FAR2: variants seen among roughly 807,000 people sequenced by gnomAD.
The protein encoded by FAR2 is epididymis secretory protein Li 81.
A neutral mutation model predicts 56.0 loss-of-function variants in FAR2; 19 were observed. The ratio of observed to expected loss-of-function variants is 0.34; its 90% CI spans 0.24 to 0.50. FAR2 has a LOEUF of 0.50. Ranked by LOEUF, FAR2 falls within the 20% of genes least tolerant of loss-of-function variation. The pLI, the probability that FAR2 is intolerant of heterozygous loss-of-function variation, is 0.98. For missense variants in FAR2, 508 were observed against 642.2 expected (o/e 0.79, Z 2.26); for synonymous variants, 219 against 218.8 (o/e 1.00, Z -0.01).
intron 1 of FAR2, among the ~76,000 whole-genome samples, chr12:29,243,346 G>T (rs575097452): frequency 3.1e-4 from 47 of 152,280 alleles, no homozygotes; most frequent in African/African-American, 1.0e-3. Context: ...CTTATAGCAG[G>T]CTGGCTTCCT....
In FAR2 at chr12:29,186,013, G is replaced by A. The variant is rs994452026; in HGVS notation, c.-39+36606G>A. On this transcript the variant is annotated intron_variant, in intron 1 of 11. Transcript: ENST00000536681. ...GCTATTAAACAGCAACATCATGTGA[G>A]GCGTAAATGCAAGCCACCTGTAATA... Among the ~76,000 whole-genome samples, 5 of 152,124 alleles carry A rather than the reference G, an allele frequency of 3.3e-5. No homozygotes were observed. In the South Asian group the frequency reaches 1.0e-3, roughly 32 times the overall value.
intron 1 of FAR2, among the ~76,000 whole-genome samples, chr12:29,164,416 C>T (rs1253272526): frequency 6.6e-6 from 1 of 152,178 alleles, no homozygotes; most frequent in Admixed American, 6.5e-5. Context: ...CTCGGATGAG[C>T]TAGCTTCCTC....
At chr12:29,226,905 C>CA (rs1947777582) in intron 1 of FAR2, among the ~76,000 whole-genome samples, 4 of 152,026 alleles carry the variant, frequency 2.6e-5, no homozygotes, top group Non-Finnish European at 5.9e-5. Context: ...AAACCTAGAG[C>CA]CATTTGTAAG....
intron 2 of FAR2, chr12:29,277,280 AAT>A (rs1279993458): frequency 6.6e-6 from 1 of 152,228 alleles, no homozygotes; most frequent in African/African-American, 2.4e-5. Flanking sequence ...CTGGCCATAA[AAT>A]AGTTTTAATG....
At chr12:29,265,433 A>T (rs1948497982) in intron 1 of FAR2, among the ~76,000 whole-genome samples, 1 of 152,188 alleles carries the variant, frequency 6.6e-6, no homozygotes, top group South Asian at 2.1e-4. Flanking sequence ...GGGAAAGGAC[A>T]ATCTCTTCTA....
At chr12:29,288,431 G>A (rs1221229239) in intron 2 of FAR2, among the ~76,000 whole-genome samples, 1 of 151,924 alleles carries the variant, frequency 6.6e-6, no homozygotes, top group Admixed American at 6.6e-5. Flanking sequence ...TTTATTGGTG[G>A]GCTTTCAATG....
At chr12:29,236,969 A>T (rs1043617453) in intron 1 of FAR2, among the ~76,000 whole-genome samples, 1 of 152,184 alleles carries the variant, frequency 6.6e-6, no homozygotes, top group Non-Finnish European at 1.5e-5. Context: ...CTTGATCATC[A>T]CTAGCCCAAC....
At chr12:29,323,958 G>A (rs1040280660) in intron 10 of FAR2, among the ~76,000 whole-genome samples, 3 of 152,240 alleles carry the variant, frequency 2.0e-5, no homozygotes, top group South Asian at 2.1e-4. Context: ...TGAGCTAAAG[G>A]AGGAAGTTCG....
At chr12:29,151,750 C>G (rs1312988156) in intron 1 of FAR2, 1 of 152,226 alleles carries the variant, frequency 6.6e-6, no homozygotes, top group African/African-American at 2.4e-5. Context: ...TTGGACATGT[C>G]ATTCAGTCTT....
chr12:29,215,529 T>C (rs1489530920), intron 1 of FAR2, among the ~76,000 whole-genome samples: 1 of 152,112 alleles, frequency 6.6e-6, no homozygotes, highest in Non-Finnish European at 1.5e-5. Flanking sequence ...TAAAGAAAAA[T>C]CCCACTTTCT....
intron 5 of FAR2, among the ~76,000 whole-genome samples, chr12:29,308,719 C>T (rs7969607): frequency 0.67 from 87,542 of 131,518 alleles, 28,154 homozygotes; most frequent in African/African-American, 0.82. Context: ...CACACACACA[C>T]ATATATATAT....
At chr12:29,293,254 A>C in intron 2 of FAR2, 46 bp from the exon 3 acceptor site, 1 of 1,398,896 alleles carries the variant, frequency 7.1e-7, no homozygotes. Context: ...ACAATGTGAT[A>C]ATGATGGTGC....
intron 4 of FAR2, among the ~76,000 whole-genome samples, chr12:29,304,158 C>T (rs1949220021): frequency 6.6e-6 from 1 of 152,208 alleles, no homozygotes; most frequent in African/African-American, 2.4e-5. Context: ...TAACCCCTTC[C>T]TTCCTTTCCC....
chr12:29,309,331 GTTACT>G (rs1423592156), intron 6 of FAR2, 101 bp downstream of exon 6: 18 of 817,422 alleles, frequency 2.2e-5, no homozygotes, highest in Non-Finnish European at 3.2e-5. Flanking sequence ...AAACATAAAT[GTTACT>G]TTACTAATAA....
intron 8 of FAR2, among the ~76,000 whole-genome samples, chr12:29,312,825 G>C (rs1323393021): frequency 1.3e-5 from 2 of 152,108 alleles, no homozygotes; most frequent in Non-Finnish European, 2.9e-5. Context: ...ACATTCCAGT[G>C]GTAAGCCATG....
chr12:29,244,537 C>T (rs1037939812), intron 1 of FAR2, among the ~76,000 whole-genome samples: 10 of 152,176 alleles, frequency 6.6e-5, no homozygotes, highest in Non-Finnish European at 1.5e-4. Flanking sequence ...AAAAGAGACC[C>T]GGCCTAGCAT....
chr12:29,154,957 C>T (rs1041928085), intron 1 of FAR2, among the ~76,000 whole-genome samples: 14 of 152,170 alleles, frequency 9.2e-5, no homozygotes, highest in African/African-American at 3.4e-4. Flanking sequence ...TAACCATAAG[C>T]TTCTCTCATC....
chr12:29,232,842 C>T (rs533346180), intron 1 of FAR2, among the ~76,000 whole-genome samples: 3 of 151,936 alleles, frequency 2.0e-5, no homozygotes, highest in African/African-American at 2.4e-5. Flanking sequence ...CACACACACA[C>T]ACACAGAGTG....
chr12:29,238,651 T>C (rs1468129615), intron 1 of FAR2, among the ~76,000 whole-genome samples: 2 of 152,160 alleles, frequency 1.3e-5, no homozygotes, highest in African/African-American at 4.8e-5. Flanking sequence ...TGCTAAACTG[T>C]ACATAAGTAA....
Sources: allele counts gnomAD v4.1 joint callset (sites outside exome capture counted in the v4.1 genomes callset), GRCh38; gene constraint gnomAD v4.1.1; transcripts MANE v1.5; gene names NCBI Gene and HGNC (gene_info 2026-07-23, HGNC 2026-07-21).